CCDC180: variants seen among roughly 807,000 people sequenced by gnomAD.
CCDC180 encodes the protein coiled-coil domain containing 180, also known as coiled-coil domain-containing protein 180.
In CCDC180, 154 loss-of-function variants were observed where a neutral mutation model predicts 209.2. The observed-to-expected ratio is 0.74, with a 90% CI of 0.65 to 0.84. The LOEUF (loss-of-function observed/expected upper bound fraction) is 0.84, where lower values mean the gene tolerates loss of function less well. CCDC180 is among the 40% of genes least tolerant of loss of function. The pLI is 0.00. For synonymous variants in CCDC180, 778 were observed against 749.1 expected, an observed-to-expected ratio of 1.04 and a Z score of -0.63; for missense variants, 1,874 against 1,997.3, an observed-to-expected ratio of 0.94 and a Z score of 1.18.
At position 97,350,421 on chromosome 9, in the gene CCDC180, C is replaced by T; in HGVS notation, c.2868C>T (p.Leu956=). Residue 956 remains leucine (L), a synonymous_variant, in exon 22 of 37, where the codon CTC becomes CTT. Coordinates refer to ENST00000529487, the MANE Select transcript of CCDC180 (RefSeq NM_020893.6). ...CTGTCTCCCACAGGCTGGTCACTCT[C>T]AGCAACACACTGCACCAGGAGTTGC... ...NATRSQKLVT[L]SNTLHQELLS... 1 of 1,535,582 alleles carries T rather than the reference C, an allele frequency of 6.5e-7. No homozygotes were observed. The highest frequency in any genetic ancestry group is 1.2e-5 in the South Asian group (1 of 83,992).
At position 97,307,890 on chromosome 9, in the gene CCDC180, G is replaced by C. The variant is rs1306434325; in HGVS notation, c.-82+84G>C. 5.0e-6 allele frequency: 8 copies of C among 1,593,970 alleles called. No homozygotes were observed. The Admixed American group carries it at 1.4e-4, about 27-fold the overall frequency. On this transcript the variant is annotated intron_variant, in intron 1 of 36. Coordinates refer to ENST00000529487, the MANE Select transcript of CCDC180 (RefSeq NM_020893.6). Reference sequence around the variant, plus strand: ...ACCCCCCAGCAGAGAGTCCTTCCCCGGGGAGTCCTGCCCTGGGGTGCCGCC... The same window carrying C: ...ACCCCCCAGCAGAGAGTCCTTCCCCCGGGAGTCCTGCCCTGGGGTGCCGCC...
chr9:97,360,731 G>A (rs1036602832), intron 26 of CCDC180, among the ~76,000 whole-genome samples: 2 of 151,904 alleles, frequency 1.3e-5, no homozygotes, highest in Non-Finnish European at 2.9e-5. Context: ...GGGGTCTCCC[G>A]GCCCATAGCA....
intron 3 of CCDC180, among the ~76,000 whole-genome samples, chr9:97,311,675 G>A (rs538118447): frequency 3.2e-4 from 49 of 152,274 alleles, no homozygotes; most frequent in Admixed American, 2.0e-3. Flanking sequence ...AGCCCCATCC[G>A]CCTTTCTGGA....
At chr9:97,323,670 T>A in intron 12 of CCDC180, 111 bp from the exon 13 acceptor site, 1 of 1,289,096 alleles carries the variant, frequency 7.8e-7, no homozygotes, top group Non-Finnish European at 1.0e-6. Context: ...GCAGGGCCCT[T>A]CACCTGGAGC....
At chr9:97,326,915 C>A (rs967594329) in intron 15 of CCDC180, among the ~76,000 whole-genome samples, 11 of 152,048 alleles carry the variant, frequency 7.2e-5, no homozygotes, top group Admixed American at 5.2e-4. Flanking sequence ...GAACATGGGG[C>A]CTTCTTTTAA....
intron 31 of CCDC180, among the ~76,000 whole-genome samples, chr9:97,368,764 A>G (rs1312198288): frequency 2.0e-5 from 3 of 152,164 alleles, no homozygotes; most frequent in South Asian, 4.1e-4. Context: ...CTCTAGGAAA[A>G]TCTATCTTCA....
chr9:97,334,927 G>A (rs1346082435), intron 18 of CCDC180, among the ~76,000 whole-genome samples: 4 of 152,140 alleles, frequency 2.6e-5, no homozygotes, highest in Non-Finnish European at 4.4e-5. Flanking sequence ...CTCTCAGAGA[G>A]ATTATATATC....
chr9:97,375,792 G>A (rs780746290), intron 36 of CCDC180: 20 of 637,706 alleles, frequency 3.1e-5, no homozygotes, highest in East Asian at 2.5e-4. Context: ...GGTCTGAGGC[G>A]TGATCCCAAT....
In CCDC180 at chr9:97,371,630, C is replaced by G; in HGVS notation, c.4524C>G (p.Thr1508=). 1.2e-5 allele frequency: 19 copies of G among 1,607,570 alleles called. No individual in the cohort carries two copies. The highest frequency in any genetic ancestry group is 1.5e-5 in the Non-Finnish European group (18 of 1,174,678). Reference sequence around the variant, plus strand: ...GAAGGAATGGCCAGGTTTTCATAACCAACTTGGCCACCTTCACCGAGAAGT... The same window carrying G: ...GAAGGAATGGCCAGGTTTTCATAACGAACTTGGCCACCTTCACCGAGAAGT... ...CTRRNGQVFI[T]NLATFTEKFL... Residue 1508 remains threonine (T), a synonymous_variant, in exon 34 of 37, where the codon ACC becomes ACG. Transcript: ENST00000529487.
intron 1 of CCDC180, 85 bp from the exon 2 acceptor site, chr9:97,307,898 C>G: frequency 6.3e-7 from 1 of 1,592,974 alleles, no homozygotes; most frequent in Non-Finnish European, 8.6e-7. Flanking sequence ...CCGGGGAGTC[C>G]TGCCCTGGGG....
At chr9:97,375,316 TG>T (rs1827220643) in intron 35 of CCDC180, 137 bp from the exon 36 acceptor site, 1 of 1,139,568 alleles carries the variant, frequency 8.8e-7, no homozygotes, top group African/African-American at 1.6e-5. Flanking sequence ...ACATTCAGTA[TG>T]TTTTTTCTTT....
chr9:97,323,747 T>C lies in CCDC180; in HGVS notation c.1249-34T>C, dbSNP rs750156725. 15 of 1,542,582 alleles carry C rather than the reference T, an allele frequency of 9.7e-6. No individual in the cohort carries two copies. The South Asian group carries it at 1.7e-4, about 18-fold the overall frequency. On this transcript the variant is annotated intron_variant, in intron 12 of 36. Transcript: ENST00000529487. Reference sequence around the variant, plus strand: ...CTGATGCCTGTGGGGACCTCAGTCCTAAGCCAGGCTCTGCCTTGTCCCACA... The same window carrying C: ...CTGATGCCTGTGGGGACCTCAGTCCCAAGCCAGGCTCTGCCTTGTCCCACA...
intron 13 of CCDC180, among the ~76,000 whole-genome samples, chr9:97,324,691 C>G (rs1043205154): frequency 6.6e-6 from 1 of 152,202 alleles, no homozygotes; most frequent in African/African-American, 2.4e-5. Context: ...GCCAGTGTTG[C>G]TGTGGCCTCC....
At chr9:97,347,573 T>C in intron 20 of CCDC180, 84 bp downstream of exon 20, 4 of 1,297,616 alleles carry the variant, frequency 3.1e-6, no homozygotes, top group Non-Finnish European at 3.2e-6. Flanking sequence ...GTTCATTAGC[T>C]GCCCCAGTTT....
At chr9:97,363,970 C>T in intron 28 of CCDC180, 81 bp from the exon 29 acceptor site, 2 of 1,408,830 alleles carry the variant, frequency 1.4e-6, no homozygotes, top group Non-Finnish European at 2.0e-6. Flanking sequence ...CTCCAGAAAC[C>T]CAGGCAGGGA....
intron 28 of CCDC180, among the ~76,000 whole-genome samples, chr9:97,363,094 G>A (rs1826813167): frequency 6.6e-6 from 1 of 152,228 alleles, no homozygotes; most frequent in South Asian, 2.1e-4. Context: ...GGGAAGCATT[G>A]CCCTCCTCTC....
Position 97,323,920 on chromosome 9 carries a change from G to A in CCDC180, c.1371+17G>A, listed in dbSNP as rs368409091. ...CTCTTGGACGTGCGTGCTGGGGACT[G>A]TTCCACTGGGGAGCTGAGGTGGGGT... is the stretch of plus-strand genomic sequence containing the variant. On this transcript the variant is annotated intron_variant, in intron 13 of 36. Transcript: ENST00000529487. 69 of 1,551,268 alleles carry A rather than the reference G, an allele frequency of 4.4e-5. No individual in the cohort carries two copies. The African/African-American group carries it at 7.5e-4, about 17-fold the overall frequency.
chr9:97,330,121 G>C (rs1364393567), intron 16 of CCDC180, 33 bp from the exon 17 acceptor site: 6 of 1,593,802 alleles, frequency 3.8e-6, no homozygotes, highest in Non-Finnish European at 4.3e-6. Context: ...AGGCAGTGCA[G>C]GTCCTTCAGT....
chr9:97,370,581 C>G (rs1341871595), intron 32 of CCDC180, 60 bp from the exon 33 acceptor site: 2 of 1,581,274 alleles, frequency 1.3e-6, no homozygotes, highest in Non-Finnish European at 1.7e-6. Context: ...ACAGAAGACA[C>G]AGGTCAGTGA....
Sources: gnomAD v4.1 joint callset for allele counts (sites outside exome capture counted in the v4.1 genomes callset) on GRCh38, gnomAD v4.1.1 for gene constraint, MANE v1.5 for transcripts, NCBI Gene and HGNC (gene_info 2026-07-23, HGNC 2026-07-21) for gene names.